HEMK2: variants seen among roughly 807,000 people sequenced by gnomAD.
HEMK2 encodes the protein HemK methyltransferase 2, ETF1 glutamine and histone H4 lysine.
chr21:28,641,981 C>CACAT, the HEMK2 span, among the ~76,000 whole-genome samples: 8 of 152,282 alleles, frequency 5.3e-5, no homozygotes, highest in South Asian at 1.7e-3. Flanking sequence ...GTCTATCTGC[C>CACAT]ACATCAGTTA....
chr21:28,591,630 C>T, the HEMK2 span, among the ~76,000 whole-genome samples: 2 of 152,086 alleles, frequency 1.3e-5, no homozygotes, highest in African/African-American at 2.4e-5. Flanking sequence ...GTTTGTTGTA[C>T]AGATTTTTTC....
chr21:28,614,644 C>T, the HEMK2 span, among the ~76,000 whole-genome samples: 1 of 152,008 alleles, frequency 6.6e-6, no homozygotes, highest in Non-Finnish European at 1.5e-5. Flanking sequence ...AGAAAAAGTC[C>T]TTATATAAAT....
chr21:28,663,994 T>A, the HEMK2 span, among the ~76,000 whole-genome samples: 1 of 152,218 alleles, frequency 6.6e-6, no homozygotes, highest in Admixed American at 6.5e-5. Context: ...ACATATAGTA[T>A]GCTCATATAT....
the HEMK2 span, among the ~76,000 whole-genome samples, chr21:28,646,222 C>T: frequency 1.3e-5 from 2 of 152,120 alleles, no homozygotes; most frequent in African/African-American, 4.8e-5. Flanking sequence ...GAGGGAGGTG[C>T]TCCTTCCTCC....
At chr21:28,835,448 T>G in the HEMK2 span, among the ~76,000 whole-genome samples, 1 of 151,182 alleles carries the variant, frequency 6.6e-6, no homozygotes, top group Non-Finnish European at 1.5e-5. Flanking sequence ...AGGGGGAGAG[T>G]ACTACATCAA....
At chr21:28,584,323 T>C in the HEMK2 span, among the ~76,000 whole-genome samples, 1 of 152,234 alleles carries the variant, frequency 6.6e-6, no homozygotes, top group African/African-American at 2.4e-5. Context: ...GTAAAGATTT[T>C]ATTTACAAGA....
At chr21:28,672,194 A>C in the HEMK2 span, among the ~76,000 whole-genome samples, 7 of 152,050 alleles carry the variant, frequency 4.6e-5, no homozygotes, top group African/African-American at 1.7e-4. Flanking sequence ...AATCATTTGG[A>C]ACTTCCCTTT....
At chr21:28,827,595 T>G in the HEMK2 span, among the ~76,000 whole-genome samples, 2 of 152,192 alleles carry the variant, frequency 1.3e-5, no homozygotes, top group East Asian at 1.9e-4. Flanking sequence ...TGAATCACAG[T>G]GGGATTAACT....
At chr21:28,814,140 G>C in the HEMK2 span, among the ~76,000 whole-genome samples, 1 of 152,108 alleles carries the variant, frequency 6.6e-6, no homozygotes, top group Non-Finnish European at 1.5e-5. Flanking sequence ...GAGAGGCTGA[G>C]GCAGGAGAAT....
chr21:28,808,648 GTTT>G, the HEMK2 span, among the ~76,000 whole-genome samples: 2 of 151,794 alleles, frequency 1.3e-5, no homozygotes, highest in African/African-American at 4.8e-5. Flanking sequence ...AAATGCAGTT[GTTT>G]TTATTTCATT....
the HEMK2 span, among the ~76,000 whole-genome samples, chr21:28,823,409 A>C: frequency 6.6e-6 from 1 of 152,204 alleles, no homozygotes; most frequent in African/African-American, 2.4e-5. Context: ...AGAAAGAAAA[A>C]TCATTTTATA....
At chr21:28,863,426 A>C in the HEMK2 span, among the ~76,000 whole-genome samples, 6 of 24,612 alleles carry the variant, frequency 2.4e-4, no homozygotes, top group African/African-American at 5.4e-4. Context: ...ATATATATAT[A>C]TATATATATA....
the HEMK2 span, among the ~76,000 whole-genome samples, chr21:28,707,124 C>T: frequency 3.9e-5 from 6 of 152,058 alleles, no homozygotes; most frequent in African/African-American, 1.4e-4. Flanking sequence ...TAGAAAATTA[C>T]ATTGAGAATG....
the HEMK2 span, among the ~76,000 whole-genome samples, chr21:28,578,803 G>T: frequency 1.3e-5 from 2 of 152,200 alleles, no homozygotes; most frequent in South Asian, 2.1e-4. Context: ...AGTTTTACTA[G>T]ATGTCAAGGC....
the HEMK2 span, among the ~76,000 whole-genome samples, chr21:28,593,975 A>G: frequency 6.6e-6 from 1 of 152,182 alleles, no homozygotes; most frequent in Non-Finnish European, 1.5e-5. Context: ...GACAAACACT[A>G]CTTCAGCTAC....
the HEMK2 span, among the ~76,000 whole-genome samples, chr21:28,731,665 G>A: frequency 1.3e-5 from 2 of 151,258 alleles, no homozygotes; most frequent in Non-Finnish European, 2.9e-5. Flanking sequence ...TAAATGACAA[G>A]TTAATGGGTG....
the HEMK2 span, among the ~76,000 whole-genome samples, chr21:28,648,894 C>T: frequency 1.3e-5 from 2 of 151,862 alleles, no homozygotes; most frequent in African/African-American, 2.4e-5. Context: ...AGTAACTCGT[C>T]ATTTAACATT....
chr21:28,879,655 A>AT, the HEMK2 span, among the ~76,000 whole-genome samples: 1 of 152,194 alleles, frequency 6.6e-6, no homozygotes, highest in East Asian at 1.9e-4. Flanking sequence ...TATGAATGTG[A>AT]TTTTTAGGGA....
At chr21:28,648,145 C>A in the HEMK2 span, among the ~76,000 whole-genome samples, 2 of 152,216 alleles carry the variant, frequency 1.3e-5, no homozygotes, top group African/African-American at 4.8e-5. Flanking sequence ...ATGTTAGGAA[C>A]TTGAAAAATT....
Sources: allele counts gnomAD v4.1 joint callset (sites outside exome capture counted in the v4.1 genomes callset), GRCh38; gene constraint gnomAD v4.1.1; transcripts MANE v1.5; gene names NCBI Gene and HGNC (gene_info 2026-07-23, HGNC 2026-07-21).